SLC25A48: variants seen among roughly 807,000 people sequenced by gnomAD.
The protein encoded by SLC25A48 is CTC-321K16.1.
A neutral mutation model predicts 32.2 loss-of-function variants in SLC25A48; 29 were observed. The ratio of observed to expected loss-of-function variants is 0.90; its 90% CI spans 0.67 to 1.23. The LOEUF (loss-of-function observed/expected upper bound fraction) is 1.23. SLC25A48 is among the 50% of genes most tolerant of loss of function. The probability of loss-of-function intolerance (pLI) is 0.00; values close to 1 mark genes in which losing one functional copy is unlikely to be tolerated. For missense variants in SLC25A48, 399 were observed against 422.7 expected (o/e 0.94, Z 0.49); for synonymous variants, 164 against 172.3 (o/e 0.95, Z 0.38).
chr5:135,799,658 A>G (rs1363013108), intron 3 of SLC25A48, among the ~76,000 whole-genome samples: 1 of 151,482 alleles, frequency 6.6e-6, no homozygotes, highest in Admixed American at 6.6e-5. Context: ...CTAAGGGGAA[A>G]ATAATATTAC....
chr5:135,670,651 T>A (rs2344129), intron 3 of SLC25A48, among the ~76,000 whole-genome samples: 103,681 of 152,110 alleles, frequency 0.68, 35,841 homozygotes, highest in Middle Eastern at 0.79. Flanking sequence ...CATGGTGTGC[T>A]GTAAATATTA....
chr5:135,876,437 A>G (rs1762065955), intron 6 of SLC25A48: 1 of 152,166 alleles, frequency 6.6e-6, no homozygotes, highest in Non-Finnish European at 1.5e-5. Context: ...CTGTTGGTTC[A>G]GAGACAGGTT....
intron 3 of SLC25A48, among the ~76,000 whole-genome samples, chr5:135,697,299 GA>G (rs377458114): frequency 0.52 from 78,233 of 151,748 alleles, 21,082 homozygotes; most frequent in South Asian, 0.61. Context: ...AGGCAACACA[GA>G]GGCTGCCCCT....
chr5:135,705,755 A>G (rs1754493038), intron 3 of SLC25A48, among the ~76,000 whole-genome samples: 1 of 152,230 alleles, frequency 6.6e-6, no homozygotes, highest in African/African-American at 2.4e-5. Context: ...TCCACTCAGA[A>G]GAAATTTCAC....
intron 3 of SLC25A48, among the ~76,000 whole-genome samples, chr5:135,644,380 G>T (rs912887175): frequency 7.9e-5 from 12 of 152,076 alleles, no homozygotes; most frequent in African/African-American, 2.9e-4. Context: ...AGCCATGAGG[G>T]TTTGGGGCAG....
intron 3 of SLC25A48, among the ~76,000 whole-genome samples, chr5:135,696,391 C>T (rs1490459589): frequency 6.6e-6 from 1 of 152,212 alleles, no homozygotes; most frequent in Non-Finnish European, 1.5e-5. Flanking sequence ...TATCTTGGAT[C>T]ACCTGTGCCA....
At chr5:135,821,544 T>A (rs1295437469) in intron 4 of SLC25A48, among the ~76,000 whole-genome samples, 1 of 152,188 alleles carries the variant, frequency 6.6e-6, no homozygotes, top group East Asian at 1.9e-4. Flanking sequence ...TGGGCAGAAG[T>A]CCCAGGTGAG....
chr5:135,886,613 A>ATG (rs1762726325), intron 7 of SLC25A48, among the ~76,000 whole-genome samples: 1 of 41,890 alleles, frequency 2.4e-5, no homozygotes, highest in African/African-American at 7.6e-5. Context: ...ATATATATAT[A>ATG]TATATATATA....
intron 6 of SLC25A48, 91 bp downstream of exon 6, chr5:135,874,245 C>A: frequency 7.5e-7 from 1 of 1,333,854 alleles, no homozygotes; most frequent in African/African-American, 1.5e-5. Flanking sequence ...AGAAGGGAAT[C>A]AGGAGACCAG....
intron 3 of SLC25A48, among the ~76,000 whole-genome samples, chr5:135,807,409 A>G (rs1262617819): frequency 6.6e-6 from 1 of 150,718 alleles, no homozygotes; most frequent in Non-Finnish European, 1.5e-5. Flanking sequence ...TTTCATTAAT[A>G]TCCTAGTGTG....
upstream of SLC25A48, among the ~76,000 whole-genome samples, chr5:135,830,461 A>G (rs936675460): frequency 6.6e-6 from 1 of 152,204 alleles, no homozygotes; most frequent in African/African-American, 2.4e-5. Flanking sequence ...ACCAGAGCCC[A>G]GGCAGCCCAG....
At chr5:135,759,834 T>C (rs1172786742) in intron 3 of SLC25A48, among the ~76,000 whole-genome samples, 1 of 149,940 alleles carries the variant, frequency 6.7e-6, no homozygotes, top group Non-Finnish European at 1.5e-5. Flanking sequence ...ATCATCTTTT[T>C]TTTTTTTTTT....
chr5:135,631,808 G>A (rs1022854255), intron 2 of SLC25A48, among the ~76,000 whole-genome samples: 2 of 152,220 alleles, frequency 1.3e-5, no homozygotes, highest in African/African-American at 2.4e-5. Flanking sequence ...CTATACGGAG[G>A]ACTGCCACAT....
chr5:135,662,876 G>A (rs1302465104), intron 3 of SLC25A48, among the ~76,000 whole-genome samples: 1 of 152,104 alleles, frequency 6.6e-6, no homozygotes, highest in Non-Finnish European at 1.5e-5. Context: ...ATATCCACTA[G>A]GGCGGCTTCA....
chr5:135,632,514 G>A (rs1752600545), intron 2 of SLC25A48, among the ~76,000 whole-genome samples: 1 of 152,128 alleles, frequency 6.6e-6, no homozygotes, highest in Non-Finnish European at 1.5e-5. Context: ...CTAGTTTCTG[G>A]CCAGAAAACA....
chr5:135,768,566 C>G (rs1450291426), intron 3 of SLC25A48, among the ~76,000 whole-genome samples: 1 of 151,014 alleles, frequency 6.6e-6, no homozygotes, highest in Non-Finnish European at 1.5e-5. Context: ...CCCTCTGTGA[C>G]ATAGTTCATA....
chr5:135,736,181 G>A (rs2126996330), intron 3 of SLC25A48, among the ~76,000 whole-genome samples: 1 of 152,144 alleles, frequency 6.6e-6, no homozygotes, highest in African/African-American at 2.4e-5. Context: ...AGGAAGATTT[G>A]GGAGGAATCG....
At chr5:135,775,700 T>C (rs1756538154) in intron 3 of SLC25A48, among the ~76,000 whole-genome samples, 1 of 151,556 alleles carries the variant, frequency 6.6e-6, no homozygotes, top group Non-Finnish European at 1.5e-5. Flanking sequence ...TATACAACCC[T>C]TTGTGATATT....
intron 1 of SLC25A48, among the ~76,000 whole-genome samples, chr5:135,587,245 C>T (rs1030114516): frequency 1.3e-5 from 2 of 152,090 alleles, no homozygotes; most frequent in African/African-American, 4.8e-5. Context: ...GTTGCCCTGG[C>T]GTGTCTTGAA....
Sources: allele counts gnomAD v4.1 joint callset (sites outside exome capture counted in the v4.1 genomes callset), GRCh38; gene constraint gnomAD v4.1.1; transcripts MANE v1.5; gene names NCBI Gene and HGNC (gene_info 2026-07-23, HGNC 2026-07-21).